Variants in SPRED2 observed in about 807,000 individuals in gnomAD.
The protein encoded by SPRED2 is sprouty related EVH1 domain containing 2, also known as sprouty-related, EVH1 domain-containing protein 2.
Under a neutral mutation model 43.0 loss-of-function variants are expected in SPRED2, and 47 were observed. The ratio of observed to expected loss-of-function variants is 1.09; its 90% CI spans 0.87 to 1.40. The LOEUF (loss-of-function observed/expected upper bound fraction) is 1.40, where lower values mean the gene tolerates loss of function less well. Among genes scored for constraint, SPRED2 ranks in the 40% most tolerant of loss-of-function variants. The probability of loss-of-function intolerance (pLI) is 0.00; values close to 1 mark genes in which losing one functional copy is unlikely to be tolerated. For missense variants in SPRED2, 561 were observed against 586.4 expected, an observed-to-expected ratio of 0.96 and a Z score of 0.45; for synonymous variants, 225 against 225.7, an observed-to-expected ratio of 1.00 and a Z score of 0.03.
intron 1 of SPRED2, among the ~76,000 whole-genome samples, chr2:65,411,350 G>A (rs1362035815): frequency 5.3e-5 from 8 of 152,132 alleles, no homozygotes; most frequent in Non-Finnish European, 7.3e-5. Flanking sequence ...GCTTGCGGTG[G>A]GAGGGCGATT....
chr2:65,314,985 C>G (rs1305553937), intron 5 of SPRED2, among the ~76,000 whole-genome samples: 1 of 152,228 alleles, frequency 6.6e-6, no homozygotes, highest in Non-Finnish European at 1.5e-5. Context: ...TAGAAACCTG[C>G]AAATCTAAGC....
At chr2:65,376,771 G>A (rs1280547451) in intron 1 of SPRED2, among the ~76,000 whole-genome samples, 2 of 152,058 alleles carry the variant, frequency 1.3e-5, no homozygotes, top group Non-Finnish European at 2.9e-5. Flanking sequence ...CTGGAGTGCA[G>A]TGGCGCAATC....
chr2:65,309,366 C>G (rs1673010348), downstream of SPRED2, among the ~76,000 whole-genome samples: 1 of 151,638 alleles, frequency 6.6e-6, no homozygotes. Flanking sequence ...GTTAGCTGGG[C>G]ATGGTGATGT....
At chr2:65,380,209 C>T (rs542913873) in intron 1 of SPRED2, among the ~76,000 whole-genome samples, 2 of 152,332 alleles carry the variant, frequency 1.3e-5, no homozygotes, top group East Asian at 3.9e-4. Flanking sequence ...TTCTCTGTTA[C>T]TGGTCCCATT....
chr2:65,339,707 A>G, intron 2 of SPRED2, among the ~76,000 whole-genome samples: 1 of 133,060 alleles, frequency 7.5e-6, no homozygotes, highest in Non-Finnish European at 1.6e-5. Context: ...ATCAATAAAA[A>G]ATAAAATAAA....
chr2:65,403,694 C>T (rs1675957561), intron 1 of SPRED2, among the ~76,000 whole-genome samples: 1 of 152,084 alleles, frequency 6.6e-6, no homozygotes, highest in Non-Finnish European at 1.5e-5. Flanking sequence ...AAAAAAGCAC[C>T]ATCTCAGGCC....
chr2:65,410,030 GAAAAA>G (rs778669871), intron 1 of SPRED2, among the ~76,000 whole-genome samples: 1 of 104,392 alleles, frequency 9.6e-6, no homozygotes, highest in Admixed American at 1.0e-4. Flanking sequence ...CTCTGCCTCG[GAAAAA>G]AAAAAAAAAA....
chr2:65,315,454 C>T (rs1673206057), intron 5 of SPRED2, among the ~76,000 whole-genome samples: 1 of 152,142 alleles, frequency 6.6e-6, no homozygotes, highest in Non-Finnish European at 1.5e-5. Context: ...TCACTTCCTA[C>T]CAGAGGGCAG....
rs1676671348 is a variant in SPRED2, at chr2:65,431,009, G to T, written c.26+953C>A. On this transcript the variant is annotated intron_variant, in intron 1 of 5. Coordinates refer to ENST00000356388, the MANE Select transcript of SPRED2 (RefSeq NM_181784.3). ...CCCCGTCGCACCCGAGACTGAAAAC[G>T]CCTCAGACCAGGGAGGGAAAATGCC... Among the ~76,000 whole-genome samples, 6 of 151,970 alleles carry T rather than the reference G, an allele frequency of 3.9e-5. No homozygotes were observed. In the South Asian group the frequency reaches 1.2e-3, roughly 32 times the overall value.
intron 1 of SPRED2, among the ~76,000 whole-genome samples, chr2:65,360,991 G>A (rs1674798295): frequency 6.6e-6 from 1 of 152,198 alleles, no homozygotes; most frequent in Admixed American, 6.5e-5. Flanking sequence ...GATTGCTTAA[G>A]CCCAGGAGTT....
chr2:65,347,972 T>C (rs1674401121), intron 1 of SPRED2, among the ~76,000 whole-genome samples: 1 of 152,116 alleles, frequency 6.6e-6, no homozygotes, highest in South Asian at 2.1e-4. Flanking sequence ...TTTGCCCAAC[T>C]TAACCCAGAA....
chr2:65,320,629 A>G (rs1673383582), intron 4 of SPRED2, among the ~76,000 whole-genome samples: 1 of 152,210 alleles, frequency 6.6e-6, no homozygotes, highest in African/African-American at 2.4e-5. Flanking sequence ...GTTGCGTCCT[A>G]GCCGAGCCTG....
chr2:65,364,616 T>C (rs1674921632), intron 1 of SPRED2, among the ~76,000 whole-genome samples: 2 of 152,184 alleles, frequency 1.3e-5, no homozygotes, highest in Admixed American at 6.5e-5. Flanking sequence ...GCTAACAGAA[T>C]ATGGTGCTCT....
chr2:65,333,358 C>T (rs535351695), intron 3 of SPRED2, among the ~76,000 whole-genome samples: 4 of 151,578 alleles, frequency 2.6e-5, no homozygotes, highest in East Asian at 3.9e-4. Flanking sequence ...AAATTTCCAA[C>T]GAGAGACTGC....
At chr2:65,389,022 G>A (rs1270599224) in intron 1 of SPRED2, among the ~76,000 whole-genome samples, 1 of 152,112 alleles carries the variant, frequency 6.6e-6, no homozygotes. Flanking sequence ...ACTGGGAGGG[G>A]CAGGCATCAG....
chr2:65,401,935 GCGCACACACACACACA>G lies in SPRED2; in HGVS notation c.26+30011_26+30026del, dbSNP rs1381471173. 5.2e-3 allele frequency among the ~76,000 whole-genome samples: 466 copies of G among 89,372 alleles called. 6 individuals are homozygous for G. The highest frequency in any genetic ancestry group is 0.016 in the African/African-American group (454 of 27,686). 58.6% of individuals were successfully genotyped at this position (89,372 alleles called of 152,430 possible). On this transcript the variant is annotated intron_variant, in intron 1 of 5. Coordinates refer to ENST00000356388, the MANE Select transcript of SPRED2 (RefSeq NM_181784.3). ...AAACGATCAGAATATTAGCGCGCGC[GCGCACACACACACACA>G]CACACACACACACACACACACACCT...
intron 1 of SPRED2, among the ~76,000 whole-genome samples, chr2:65,416,079 T>C (rs1055120907): frequency 1.3e-5 from 2 of 152,246 alleles, no homozygotes; most frequent in African/African-American, 4.8e-5. Flanking sequence ...AGGTTTGATT[T>C]GGGTGTTGCC....
At chr2:65,326,970 A>G (rs1446596529) in intron 4 of SPRED2, among the ~76,000 whole-genome samples, 2 of 152,044 alleles carry the variant, frequency 1.3e-5, no homozygotes, top group Non-Finnish European at 2.9e-5. Flanking sequence ...CCTCCCAAGT[A>G]GCTGGGACCA....
At chr2:65,333,798 C>A (rs1673884596) in intron 3 of SPRED2, among the ~76,000 whole-genome samples, 1 of 151,780 alleles carries the variant, frequency 6.6e-6, no homozygotes, top group Admixed American at 6.6e-5. Context: ...TGCTTTTTTT[C>A]CTCTTCCCCC....
Sources: gnomAD v4.1 joint callset for allele counts (sites outside exome capture counted in the v4.1 genomes callset) on GRCh38, gnomAD v4.1.1 for gene constraint, MANE v1.5 for transcripts, NCBI Gene and HGNC (gene_info 2026-07-23, HGNC 2026-07-21) for gene names.